DBN1: variants seen among roughly 807,000 people sequenced by gnomAD.
DBN1 encodes drebrin.
Under a neutral mutation model 83.5 loss-of-function variants are expected in DBN1, and 21 were observed. The observed-to-expected ratio is 0.25, with a 90% CI of 0.18 to 0.36. DBN1 has a LOEUF of 0.36. Ranked by LOEUF, DBN1 falls within the 10% of genes least tolerant of loss-of-function variation. DBN1 has a pLI of 1.00. For synonymous variants in DBN1, 381 were observed against 384.9 expected (o/e 0.99, Z 0.12); for missense variants, 874 against 935.7 (o/e 0.93, Z 0.86).
At position 177,458,510 on chromosome 5, in the gene DBN1, C is replaced by G; in HGVS notation, c.1462G>C (p.Asp488His). Residue 488 changes from aspartate (D) to histidine (H), a missense_variant, in exon 13 of 15, where the codon GAC (aspartate) becomes CAC (histidine). Asp to His is a moderately conservative substitution (Grantham distance 81). This residue lies in a region of DBN1 where 725 missense variants were observed against 719.7 expected (regional missense o/e 1.01). Transcript: ENST00000393565. The stretch of plus-strand genomic sequence containing the variant: ...GCTGCATCGTGGATCTCCGTGGCGT[C>G]AGCTGTGGCAGGCTCCACGGGAGCA... ...LAAPVEPATA[D>H]ATEIHDAADT... is the part of the protein sequence containing the mutation. 1.2e-6 allele frequency: 2 copies of G among 1,613,816 alleles called. No homozygotes were observed. The highest frequency in any genetic ancestry group is 1.7e-6 in the Non-Finnish European group (2 of 1,179,658).
chr5:177,469,309 G>C (rs1323542004), intron 1 of DBN1, among the ~76,000 whole-genome samples: 4 of 152,040 alleles, frequency 2.6e-5, no homozygotes, highest in Non-Finnish European at 5.9e-5. Context: ...CTTGGTCCCC[G>C]CTGCCCCTCC....
chr5:177,457,922 G>A (rs747694305), intron 13 of DBN1, 136 bp downstream of exon 13: 2 of 1,298,222 alleles, frequency 1.5e-6, no homozygotes, highest in Non-Finnish European at 1.1e-6. Context: ...AGGGAGGGAG[G>A]GTGGGATGGA....
At chr5:177,464,862 C>T (rs1757314748) in intron 8 of DBN1, among the ~76,000 whole-genome samples, 1 of 150,162 alleles carries the variant, frequency 6.7e-6, no homozygotes, top group Non-Finnish European at 1.5e-5. Context: ...ATCACTTAAA[C>T]CTGGGAGGCA....
Position 177,457,099 on chromosome 5 carries a change from G to C in DBN1, c.*334C>G. The C allele has an allele frequency of 2.8e-6, 1 of 359,132 alleles. No homozygotes were observed. Among genetic ancestry groups the C allele is most frequent in the Non-Finnish European group, 5.1e-6 (1 of 194,320 alleles). The allele number at this position is 359,132 out of a possible 1,614,324, so 22.2% of individuals were successfully genotyped here. A position where few individuals can be genotyped will look rare whatever the true frequency, so the allele number is the denominator to read the frequency against. On this transcript the variant is annotated 3_prime_UTR_variant, in exon 15 of 15. Transcript: ENST00000393565. ...CTCCCCCCACGCCAGGCCCCAAGCA[G>C]GGTGAGGCCTCCAACCCGGCCAGCT... is the stretch of plus-strand genomic sequence containing the variant.
chr5:177,468,330 G>C, intron 2 of DBN1, 110 bp from the exon 3 acceptor site: 3 of 913,316 alleles, frequency 3.3e-6, no homozygotes, highest in Non-Finnish European at 5.3e-6. Flanking sequence ...ACCCCCAGGG[G>C]TCTTCTGGCC....
In DBN1 at chr5:177,457,417, A is replaced by G. The variant is rs574371600; in HGVS notation, c.*16T>C. On this transcript the variant is annotated 3_prime_UTR_variant, in exon 15 of 15. Coordinates refer to ENST00000393565, the MANE Select transcript of DBN1 (RefSeq NM_001363541.2). ...TGGGCGGCCTTGGCAAGGGTAGCCT[A>G]GGGCTGGCGCCACCGCTAATCACCA... The G allele has an allele frequency of 6.8e-6, 11 of 1,612,284 alleles. No individual in the cohort carries two copies. In the South Asian group the frequency reaches 1.1e-4, roughly 16 times the overall value.
chr5:177,465,501 G>A (rs544854234), intron 8 of DBN1, among the ~76,000 whole-genome samples: 44 of 152,308 alleles, frequency 2.9e-4, no homozygotes, highest in Non-Finnish European at 5.1e-4. Flanking sequence ...ATTTAATGCC[G>A]CTTAATGAAA....
Position 177,456,994 on chromosome 5 carries a change from C to T in DBN1, c.*439G>A. On this transcript the variant is annotated 3_prime_UTR_variant, in exon 15 of 15. Coordinates refer to ENST00000393565, the MANE Select transcript of DBN1 (RefSeq NM_001363541.2). ...AAATTCGTGCAAAATATCTGAAGCC[C>T]TGGACAGAGAATACAAAGTGATATT... 5.7e-6 allele frequency: 1 copy of T among 174,482 alleles called. No individual in the cohort carries two copies. The highest frequency in any genetic ancestry group is 1.2e-5 in the Non-Finnish European group (1 of 81,090). 10.8% of individuals were successfully genotyped at this position (174,482 alleles called of 1,614,324 possible). A position where few individuals can be genotyped will look rare whatever the true frequency, so the allele number is the denominator to read the frequency against.
In DBN1 at chr5:177,458,649, C is replaced by T; in HGVS notation, c.1323G>A (p.Gln441=). ...GCTCCTCCATGGGGCCGGCCCAGGC[C>T]TGAGGGGCTGCTGCTCTGGTCTCCT... is the stretch of plus-strand genomic sequence containing the variant. ...DSEETRAAAP[Q]AWAGPMEEPP... is the part of the protein sequence containing the mutation. Residue 441 remains glutamine, a synonymous_variant, in exon 13 of 15, where the codon CAG becomes CAA. Transcript: ENST00000393565. 6.3e-7 allele frequency: 1 copy of T among 1,587,414 alleles called. No individual in the cohort carries two copies. The highest frequency in any genetic ancestry group is 8.6e-7 in the Non-Finnish European group (1 of 1,167,676).
In DBN1 at chr5:177,466,748, CG is replaced by C; in HGVS notation, c.771+23del. On this transcript the variant is annotated intron_variant, in intron 8 of 14. Coordinates refer to ENST00000393565, the MANE Select transcript of DBN1 (RefSeq NM_001363541.2). This position sits in a 1 kb window ranked among gnomAD's most constrained non-coding sequence, Gnocchi z 4.8. ...ATTCTCACTTCCCTGACCCAGAGAC[CG>C]GGAGCCTTGGCAAAGAACTTACAAA... 6.2e-7 allele frequency: 1 copy of C among 1,613,624 alleles called. No individual in the cohort carries two copies. Among genetic ancestry groups the C allele is most frequent in the Non-Finnish European group, 8.5e-7 (1 of 1,179,510 alleles).
Position 177,467,796 on chromosome 5 carries a change from C to A in DBN1, c.277G>T (p.Ala93Ser). The stretch of plus-strand genomic sequence containing the variant: ...TGGCTGGCACAAGCGCACTTGCGGG[C>A]ATCAGGCACATCTTCGCCCACCTGC... ...INWVGEDVPDARKCACASHVA... is the reference protein window; with the variant it reads ...INWVGEDVPDSRKCACASHVA... Residue 93 changes from alanine to serine, a missense_variant, in exon 4 of 15, where the codon GCC (alanine) becomes TCC (serine). Ala to Ser is a moderately conservative substitution (Grantham distance 99). This residue lies in a region of DBN1 where 65 missense variants were observed against 97.3 expected (regional missense o/e 0.67). Coordinates refer to ENST00000393565, the MANE Select transcript of DBN1 (RefSeq NM_001363541.2). The surrounding 1 kb of genome is among the most constrained non-coding windows in gnomAD (Gnocchi z 9.1). 3.8e-6 allele frequency: 6 copies of A among 1,558,648 alleles called. No homozygotes were observed. Among genetic ancestry groups the A allele is most frequent in the Non-Finnish European group, 5.2e-6 (6 of 1,151,380 alleles).
At chr5:177,458,766 C>A in intron 12 of DBN1, 59 bp from the exon 13 acceptor site, 1 of 1,400,436 alleles carries the variant, frequency 7.1e-7, no homozygotes, top group South Asian at 1.5e-5. Flanking sequence ...GGATGGAGAC[C>A]CTGCCCACCC....
At chr5:177,472,317 T>C in intron 1 of DBN1, 1 of 1,531,864 alleles carries the variant, frequency 6.5e-7, no homozygotes, top group Non-Finnish European at 8.7e-7. Flanking sequence ...TGCCCTCCTC[T>C]TTGCCTCAGT....
At chr5:177,469,689 T>C (rs1328958290) in intron 1 of DBN1, among the ~76,000 whole-genome samples, 2 of 152,212 alleles carry the variant, frequency 1.3e-5, no homozygotes, top group Non-Finnish European at 2.9e-5. Flanking sequence ...CCTCCCTAGC[T>C]TTGTGTGCCC....
rs56391006 is a variant in DBN1 at position 177,462,022 on chromosome 5, G to A, written c.772-1319C>T. ...CTGCAAGCCCGGAGCAGCCATCACC[G>A]GGGCCTCGCCGCAGCCCCCTTAAGA... On this transcript the variant is annotated intron_variant, in intron 8 of 14. Coordinates refer to ENST00000393565, the MANE Select transcript of DBN1 (RefSeq NM_001363541.2). Among the ~76,000 whole-genome samples, 1,319 of 152,264 alleles carry A rather than the reference G, an allele frequency of 8.7e-3. 8 individuals carry two copies. The highest frequency in any genetic ancestry group is 0.015 in the Non-Finnish European group (1,050 of 68,024).
chr5:177,464,099 G>A (rs927207835), intron 8 of DBN1, among the ~76,000 whole-genome samples: 1 of 147,168 alleles, frequency 6.8e-6, no homozygotes, highest in Non-Finnish European at 1.5e-5. Context: ...TGGGGGACAA[G>A]AGTGAGACTT....
intron 8 of DBN1, among the ~76,000 whole-genome samples, chr5:177,463,415 G>C: frequency 1.3e-5 from 2 of 152,100 alleles, no homozygotes; most frequent in Middle Eastern, 6.8e-3. Flanking sequence ...AGAGATCAAC[G>C]CACTAACCAC....
chr5:177,461,091 C>CTTA (rs1299775993), intron 8 of DBN1, among the ~76,000 whole-genome samples: 2 of 122,082 alleles, frequency 1.6e-5, no homozygotes, highest in Non-Finnish European at 1.8e-5. Flanking sequence ...GCCTTCTGGC[C>CTTA]TTCTTTTTTT....
At chr5:177,465,559 C>G (rs200484813) in intron 8 of DBN1, among the ~76,000 whole-genome samples, 1 of 152,150 alleles carries the variant, frequency 6.6e-6, no homozygotes, top group Non-Finnish European at 1.5e-5. Context: ...TATTTTGCCA[C>G]AGTTACATAC....
Sources: gnomAD v4.1 joint callset for allele counts (sites outside exome capture counted in the v4.1 genomes callset) on GRCh38, gnomAD v4.1.1 for gene constraint, gnomAD v4.1.1 regional missense constraint, Gnocchi (gnomAD v3.1) non-coding constraint, MANE v1.5 for transcripts, NCBI Gene and HGNC (gene_info 2026-07-23, HGNC 2026-07-21) for gene names.